KCNH1: variants seen among roughly 807,000 people sequenced by gnomAD.
The protein encoded by KCNH1 is potassium voltage-gated channel subfamily H member 1, also known as voltage-gated delayed rectifier potassium channel KCNH1.
A neutral mutation model predicts 69.2 loss-of-function variants in KCNH1; 27 were observed. The ratio of observed to expected loss-of-function variants is 0.39; its 90% CI spans 0.29 to 0.54. The LOEUF (loss-of-function observed/expected upper bound fraction) is 0.54. Among genes scored for constraint, KCNH1 ranks in the 20% least tolerant of loss-of-function variants. The probability of loss-of-function intolerance (pLI) is 0.68; values close to 1 mark genes in which losing one functional copy is unlikely to be tolerated. For synonymous variants in KCNH1, 456 were observed against 487.7 expected (o/e 0.93, Z 0.86); for missense variants, 798 against 1,261.6 (o/e 0.63, Z 5.57).
chr1:211,040,034 A>G (rs1423452960), intron 5 of KCNH1, among the ~76,000 whole-genome samples: 1 of 152,100 alleles, frequency 6.6e-6, no homozygotes, highest in Non-Finnish European at 1.5e-5. Context: ...CTAAAAAAAT[A>G]CAAAAAATTA....
intron 1 of KCNH1, among the ~76,000 whole-genome samples, chr1:211,130,825 G>A (rs985561149): frequency 9.2e-5 from 14 of 152,244 alleles, no homozygotes; most frequent in South Asian, 4.1e-4. Flanking sequence ...CATTATCCCC[G>A]CCTTTGCCTT....
chr1:210,777,001 G>A (rs1053160585), intron 9 of KCNH1, among the ~76,000 whole-genome samples: 8 of 152,150 alleles, frequency 5.3e-5, no homozygotes, highest in African/African-American at 1.9e-4. Context: ...GGGAGCCAAC[G>A]AGGAGTATGC....
intron 7 of KCNH1, among the ~76,000 whole-genome samples, chr1:210,914,499 C>T (rs1053366169): frequency 6.6e-6 from 1 of 151,996 alleles, no homozygotes; most frequent in Non-Finnish European, 1.5e-5. Flanking sequence ...AGTGAGGCCA[C>T]AAAAGATACT....
chr1:211,031,051 C>T (rs1038164031), intron 5 of KCNH1, among the ~76,000 whole-genome samples: 1 of 151,984 alleles, frequency 6.6e-6, no homozygotes, highest in East Asian at 1.9e-4. Context: ...TTACTACACA[C>T]CTATTAAAAT....
chr1:211,112,504 A>AT (rs1425509698), intron 1 of KCNH1, among the ~76,000 whole-genome samples: 43 of 85,390 alleles, frequency 5.0e-4, no homozygotes, highest in African/African-American at 1.2e-3. Context: ...AAATAAATAA[A>AT]AAAAAAAAAA....
intron 5 of KCNH1, among the ~76,000 whole-genome samples, chr1:211,075,719 T>C (rs369671427): frequency 3.0e-4 from 46 of 152,270 alleles, no homozygotes; most frequent in East Asian, 2.9e-3. Context: ...GTTCATTTCA[T>C]TGGGACTAGT....
At chr1:210,767,730 C>G (rs1001092789) in intron 10 of KCNH1, among the ~76,000 whole-genome samples, 2 of 152,134 alleles carry the variant, frequency 1.3e-5, no homozygotes, top group Non-Finnish European at 2.9e-5. Context: ...TATGCCTCAA[C>G]TACATACACC....
rs1213658263 is a variant in KCNH1, at chr1:210,680,999, T to C, written c.*2282A>G. ...GGCAGGGCCTCTTGACATTGACCGT[T>C]GGGTGCCAGACAAGAAGCCTGTCAT... On this transcript the variant is annotated 3_prime_UTR_variant, in exon 11 of 11. Transcript: ENST00000271751. 6.6e-6 allele frequency: 1 copy of C among 152,152 alleles called. No individual in the cohort carries two copies. Among genetic ancestry groups the C allele is most frequent in the Non-Finnish European group, 1.5e-5 (1 of 68,030 alleles). 9.4% of individuals were successfully genotyped at this position (152,152 alleles called of 1,614,324 possible). A position where few individuals can be genotyped will look rare whatever the true frequency, so the allele number is the denominator to read the frequency against.
Position 211,133,842 on chromosome 1 carries a change from A to G in KCNH1, c.79+25T>C. ...AAGGCACGGATAAAACGCCCGGGTA[A>G]TCGAAATCCGAATGCACCTCTTACC... On this transcript the variant is annotated intron_variant, in intron 1 of 10. Coordinates refer to ENST00000271751, the MANE Select transcript of KCNH1 (RefSeq NM_172362.3). This position sits in a 1 kb window ranked among gnomAD's most constrained non-coding sequence, Gnocchi z 5.4. The G allele has an allele frequency of 6.2e-7, 1 of 1,600,192 alleles. No individual in the cohort carries two copies. The highest frequency in any genetic ancestry group is 1.1e-5 in the South Asian group (1 of 89,658).
At chr1:210,857,308 G>T (rs1441373214) in intron 7 of KCNH1, among the ~76,000 whole-genome samples, 2 of 152,162 alleles carry the variant, frequency 1.3e-5, no homozygotes, top group African/African-American at 4.8e-5. Context: ...GGAGCCTGAG[G>T]CCTTACAGGC....
intron 5 of KCNH1, among the ~76,000 whole-genome samples, chr1:211,068,014 G>C (rs1277575815): frequency 6.6e-6 from 1 of 152,212 alleles, no homozygotes; most frequent in South Asian, 2.1e-4. Context: ...AAGGAGATAC[G>C]AGTTCTACAG....
intron 6 of KCNH1, among the ~76,000 whole-genome samples, chr1:210,947,020 T>C (rs1008154146): frequency 2.6e-5 from 4 of 152,204 alleles, no homozygotes; most frequent in African/African-American, 9.6e-5. Context: ...CCATCTTATA[T>C]GTAACTATTA....
chr1:210,976,958 A>G (rs1198317398), intron 6 of KCNH1, among the ~76,000 whole-genome samples: 2 of 151,382 alleles, frequency 1.3e-5, no homozygotes, highest in Admixed American at 6.6e-5. Context: ...ATTACTGGGT[A>G]TATACCCAAA....
chr1:210,996,008 C>T (rs1689026394), intron 6 of KCNH1, among the ~76,000 whole-genome samples: 1 of 152,164 alleles, frequency 6.6e-6, no homozygotes, highest in Non-Finnish European at 1.5e-5. Context: ...AGGGTGGCAG[C>T]CAAGATGGCC....
chr1:210,710,292 T>G (rs1682037196), intron 10 of KCNH1, among the ~76,000 whole-genome samples: 1 of 152,004 alleles, frequency 6.6e-6, no homozygotes, highest in African/African-American at 2.4e-5. Flanking sequence ...GAAGTTGCTC[T>G]GGGTAAGTCA....
At chr1:210,718,485 C>A (rs1469706466) in intron 10 of KCNH1, among the ~76,000 whole-genome samples, 1 of 51,924 alleles carries the variant, frequency 1.9e-5, no homozygotes, top group African/African-American at 7.8e-5. Flanking sequence ...AAAATATATA[C>A]ATATATGTAT....
chr1:210,977,479 T>C lies in KCNH1; in HGVS notation c.1032+41304A>G, dbSNP rs144974120. ...AAACCGTACACCTTTTGTCCAACAGTACCCCCATCACTCCACCCTCAGCTC... is the reference window on the plus strand; with the variant it reads ...AAACCGTACACCTTTTGTCCAACAGCACCCCCATCACTCCACCCTCAGCTC... On this transcript the variant is annotated intron_variant, in intron 6 of 10. Coordinates refer to ENST00000271751, the MANE Select transcript of KCNH1 (RefSeq NM_172362.3). Among the ~76,000 whole-genome samples the C allele has an allele frequency of 5.5e-3, 842 of 152,070 alleles. 9 individuals are homozygous for C. Among genetic ancestry groups the C allele is most frequent in the African/African-American group, 0.019 (805 of 41,538 alleles).
At chr1:210,835,079 A>G (rs1685253641) in intron 7 of KCNH1, among the ~76,000 whole-genome samples, 2 of 152,192 alleles carry the variant, frequency 1.3e-5, no homozygotes, top group Non-Finnish European at 2.9e-5. Context: ...TTGAGTGCCT[A>G]AAAACTCATA....
intron 6 of KCNH1, among the ~76,000 whole-genome samples, chr1:211,009,945 T>G (rs1265755270): frequency 6.6e-6 from 1 of 152,138 alleles, no homozygotes; most frequent in Non-Finnish European, 1.5e-5. Flanking sequence ...TGTCAATGAA[T>G]AAGAAGCAAG....
Sources: allele counts gnomAD v4.1 joint callset (sites outside exome capture counted in the v4.1 genomes callset), GRCh38; gene constraint gnomAD v4.1.1; non-coding constraint Gnocchi (gnomAD v3.1); transcripts MANE v1.5; gene names NCBI Gene and HGNC (gene_info 2026-07-23, HGNC 2026-07-21).